SPMIP2: variants seen among roughly 807,000 people sequenced by gnomAD.
The protein encoded by SPMIP2 is protein SPMIP2.
the SPMIP2 span, among the ~76,000 whole-genome samples, chr4:159,037,722 G>A: frequency 6.6e-6 from 1 of 151,078 alleles, no homozygotes; most frequent in Non-Finnish European, 1.5e-5. Flanking sequence ...ACAGTGAGCT[G>A]TGATCATACC....
At chr4:158,955,633 T>C in the SPMIP2 span, among the ~76,000 whole-genome samples, 1 of 152,186 alleles carries the variant, frequency 6.6e-6, no homozygotes, top group African/African-American at 2.4e-5. Context: ...CTCAAACTCC[T>C]GACCTCAGGT....
the SPMIP2 span, among the ~76,000 whole-genome samples, chr4:158,901,029 TG>T: frequency 6.6e-6 from 1 of 151,952 alleles, no homozygotes; most frequent in Non-Finnish European, 1.5e-5. Flanking sequence ...GCAGGCCTGG[TG>T]GTGACAGAAT....
the SPMIP2 span, among the ~76,000 whole-genome samples, chr4:159,053,449 T>A: frequency 6.6e-6 from 1 of 152,168 alleles, no homozygotes; most frequent in Non-Finnish European, 1.5e-5. Context: ...AATACAAGGA[T>A]GGCTGTGGGC....
the SPMIP2 span, among the ~76,000 whole-genome samples, chr4:158,934,004 C>T: frequency 2.6e-4 from 40 of 152,216 alleles, no homozygotes; most frequent in East Asian, 6.0e-3. Flanking sequence ...GACACTATGC[C>T]AGTTGGTTTA....
chr4:159,074,041 C>A, the SPMIP2 span, among the ~76,000 whole-genome samples: 1 of 151,992 alleles, frequency 6.6e-6, no homozygotes, highest in African/African-American at 2.4e-5. Context: ...CCAGTGGAGG[C>A]TTTCTGAAGA....
At chr4:158,929,518 AC>A in the SPMIP2 span, among the ~76,000 whole-genome samples, 1 of 152,184 alleles carries the variant, frequency 6.6e-6, no homozygotes, top group African/African-American at 2.4e-5. Flanking sequence ...TTTAAATAGT[AC>A]ACTATTTTAA....
chr4:159,073,409 C>T, the SPMIP2 span, among the ~76,000 whole-genome samples: 1 of 152,182 alleles, frequency 6.6e-6, no homozygotes, highest in Admixed American at 6.5e-5. Context: ...CCAACTCAGC[C>T]TCCCAAAGTG....
At chr4:158,895,451 T>G in the SPMIP2 span, among the ~76,000 whole-genome samples, 3 of 152,246 alleles carry the variant, frequency 2.0e-5, no homozygotes, top group African/African-American at 7.2e-5. Context: ...ATAAAGTTTT[T>G]TAAAGGCAAG....
At chr4:158,982,825 A>G in the SPMIP2 span, among the ~76,000 whole-genome samples, 2 of 152,208 alleles carry the variant, frequency 1.3e-5, no homozygotes, top group African/African-American at 4.8e-5. Flanking sequence ...GACTTTGACA[A>G]GTTGAGAGAA....
the SPMIP2 span, among the ~76,000 whole-genome samples, chr4:158,896,427 G>C: frequency 6.6e-6 from 1 of 152,038 alleles, no homozygotes; most frequent in Non-Finnish European, 1.5e-5. Context: ...ACTTCTCTAG[G>C]GGAAGTAATT....
At chr4:158,936,304 C>A in the SPMIP2 span, among the ~76,000 whole-genome samples, 1 of 152,228 alleles carries the variant, frequency 6.6e-6, no homozygotes, top group Admixed American at 6.5e-5. Context: ...CAGAAACAGT[C>A]ATTCACTTGA....
the SPMIP2 span, among the ~76,000 whole-genome samples, chr4:158,933,333 C>G: frequency 1.3e-5 from 2 of 152,132 alleles, no homozygotes; most frequent in Non-Finnish European, 2.9e-5. Flanking sequence ...TGCCAGTGTT[C>G]TTGTTTCTTT....
the SPMIP2 span, among the ~76,000 whole-genome samples, chr4:159,019,378 C>T: frequency 4.0e-4 from 61 of 151,620 alleles, no homozygotes; most frequent in Admixed American, 1.2e-3. Flanking sequence ...AAGATTTCCT[C>T]GGAGTAGAGG....
chr4:158,999,114 G>A, the SPMIP2 span, among the ~76,000 whole-genome samples: 1 of 151,678 alleles, frequency 6.6e-6, no homozygotes, highest in Non-Finnish European at 1.5e-5. Context: ...TGAGGCTGCA[G>A]TGAGCCAAGA....
At chr4:158,899,119 T>A in the SPMIP2 span, among the ~76,000 whole-genome samples, 1 of 152,238 alleles carries the variant, frequency 6.6e-6, no homozygotes, top group Non-Finnish European at 1.5e-5. Flanking sequence ...CTGGTTTTTG[T>A]CACTGGTTTT....
the SPMIP2 span, among the ~76,000 whole-genome samples, chr4:158,921,342 T>G: frequency 6.6e-6 from 1 of 152,134 alleles, no homozygotes; most frequent in African/African-American, 2.4e-5. Context: ...CTTGGAAGGC[T>G]GAGGCACAAG....
the SPMIP2 span, among the ~76,000 whole-genome samples, chr4:158,996,700 G>C: frequency 1.9e-3 from 296 of 152,252 alleles, 3 homozygotes; most frequent in South Asian, 0.011. Flanking sequence ...CCCCTGGCCA[G>C]TTCCCCTTGA....
the SPMIP2 span, among the ~76,000 whole-genome samples, chr4:159,018,934 C>CA: frequency 2.0e-5 from 3 of 152,014 alleles, no homozygotes; most frequent in Non-Finnish European, 2.9e-5. Context: ...ACTAAAAATA[C>CA]AAAAAATTAG....
At chr4:159,073,298 C>T in the SPMIP2 span, among the ~76,000 whole-genome samples, 2 of 151,956 alleles carry the variant, frequency 1.3e-5, no homozygotes, top group Admixed American at 6.6e-5. Context: ...GGGCCACAGG[C>T]GCACGCCACC....
Sources: gnomAD v4.1 joint callset for allele counts (sites outside exome capture counted in the v4.1 genomes callset) on GRCh38, gnomAD v4.1.1 for gene constraint, MANE v1.5 for transcripts, NCBI Gene and HGNC (gene_info 2026-07-23, HGNC 2026-07-21) for gene names.